DLG2: variants seen among roughly 807,000 people sequenced by gnomAD.
DLG2 encodes the protein discs large MAGUK scaffold protein 2.
In DLG2, 45 loss-of-function variants were observed where a neutral mutation model predicts 132.5. The observed-to-expected ratio is 0.34, with a 90% CI of 0.27 to 0.44. The LOEUF is 0.44. Among genes scored for constraint, DLG2 ranks in the 20% least tolerant of loss-of-function variants. The pLI is 1.00. For missense variants in DLG2, 1,045 were observed against 1,196.9 expected (o/e 0.87, Z 1.87); for synonymous variants, 424 against 419.6 (o/e 1.01, Z -0.13).
chr11:84,110,103 A>G (rs1336120602), intron 9 of DLG2, among the ~76,000 whole-genome samples: 1 of 152,202 alleles, frequency 6.6e-6, no homozygotes, highest in Non-Finnish European at 1.5e-5. Context: ...CAAAAACAAC[A>G]AATCTCAAAC....
intron 6 of DLG2, among the ~76,000 whole-genome samples, chr11:84,586,007 C>T (rs868202006): frequency 5.9e-5 from 9 of 152,026 alleles, no homozygotes; most frequent in African/African-American, 1.7e-4. Flanking sequence ...AAAAACTAGC[C>T]GGGCATGATG....
intron 7 of DLG2, among the ~76,000 whole-genome samples, chr11:84,456,948 C>A (rs1240244548): frequency 6.6e-6 from 1 of 151,108 alleles, no homozygotes; most frequent in Non-Finnish European, 1.5e-5. Context: ...AAAGGTACAG[C>A]AACATTTTAA....
At chr11:84,399,970 G>A (rs1309677225) in intron 7 of DLG2, among the ~76,000 whole-genome samples, 1 of 152,206 alleles carries the variant, frequency 6.6e-6, no homozygotes, top group East Asian at 1.9e-4. Context: ...TTCCTTGCCT[G>A]TGAAGGCAAG....
At chr11:85,056,334 A>G (rs539305760) in intron 6 of DLG2, among the ~76,000 whole-genome samples, 2 of 152,242 alleles carry the variant, frequency 1.3e-5, no homozygotes, top group African/African-American at 4.8e-5. Context: ...AAAAAGAATC[A>G]ATGAAAATTC....
intron 6 of DLG2, among the ~76,000 whole-genome samples, chr11:84,719,869 G>A (rs1182011765): frequency 6.6e-6 from 1 of 152,054 alleles, no homozygotes. Flanking sequence ...TTTATCTAGA[G>A]TTCATCGACC....
intron 15 of DLG2, among the ~76,000 whole-genome samples, chr11:83,884,499 A>C (rs1433037685): frequency 4.6e-5 from 7 of 152,174 alleles, no homozygotes; most frequent in Admixed American, 3.9e-4. Flanking sequence ...CCTCTGTAGG[A>C]TCCACCTCTG....
At chr11:84,916,065 G>C (rs942349149) in intron 6 of DLG2, among the ~76,000 whole-genome samples, 5 of 152,230 alleles carry the variant, frequency 3.3e-5, no homozygotes, top group Non-Finnish European at 7.4e-5. Flanking sequence ...TAAGAAGCAG[G>C]CCGGGCGCGG....
At chr11:83,784,112 T>C (rs939646052) in intron 18 of DLG2, among the ~76,000 whole-genome samples, 7 of 152,196 alleles carry the variant, frequency 4.6e-5, no homozygotes, top group African/African-American at 1.7e-4. Context: ...TTCTTGACCA[T>C]ACTAAAAGTA....
chr11:83,822,748 C>T (rs887729638), intron 17 of DLG2, among the ~76,000 whole-genome samples: 2 of 152,166 alleles, frequency 1.3e-5, no homozygotes, highest in Admixed American at 6.5e-5. Flanking sequence ...AGCTTGTAGA[C>T]TATCTGTTAT....
At chr11:84,691,017 A>G (rs2057968715) in intron 6 of DLG2, among the ~76,000 whole-genome samples, 1 of 151,862 alleles carries the variant, frequency 6.6e-6, no homozygotes, top group African/African-American at 2.4e-5. Flanking sequence ...TCCACAGAAC[A>G]GTTTATCATA....
intron 3 of DLG2, among the ~76,000 whole-genome samples, chr11:85,447,459 GAC>G (rs2092061590): frequency 6.6e-6 from 1 of 152,084 alleles, no homozygotes; most frequent in African/African-American, 2.4e-5. Context: ...AGAAGATTAG[GAC>G]ACAGATACAG....
At chr11:84,428,080 G>T (rs1601932989) in intron 7 of DLG2, among the ~76,000 whole-genome samples, 1 of 152,122 alleles carries the variant, frequency 6.6e-6, no homozygotes, top group East Asian at 1.9e-4. Context: ...CATTCATTTT[G>T]CCTCCTCTGT....
rs770040895 is a variant in DLG2, at chr11:83,471,731, C to A, written c.2345-4G>T. The stretch of plus-strand genomic sequence containing the variant: ...ATCACCGGCCGGGTGTAGTTTACTG[C>A]AGAATGGGAAAGGAAGATGTAGGTA... On this transcript the variant is annotated splice_region_variant and splice_polypyrimidine_tract_variant and intron_variant, in intron 23 of 27. Coordinates refer to ENST00000376104, the MANE Select transcript of DLG2 (RefSeq NM_001142699.3). 1.5e-5 allele frequency: 24 copies of A among 1,610,822 alleles called. No individual in the cohort carries two copies. Among genetic ancestry groups the A allele is most frequent in the Middle Eastern group, 1.6e-4 (1 of 6,080 alleles).
At chr11:85,293,887 A>G (rs1299217777) in intron 3 of DLG2, among the ~76,000 whole-genome samples, 2 of 152,130 alleles carry the variant, frequency 1.3e-5, no homozygotes, top group Non-Finnish European at 2.9e-5. Flanking sequence ...TTAGTGATCA[A>G]TGTGCCTAAT....
chr11:84,550,422 T>C (rs914020692), intron 6 of DLG2, among the ~76,000 whole-genome samples: 15 of 152,138 alleles, frequency 9.9e-5, no homozygotes, highest in African/African-American at 3.4e-4. Context: ...CTTATGATGA[T>C]CATCTCTGTC....
intron 4 of DLG2, among the ~76,000 whole-genome samples, chr11:85,189,562 G>A (rs1320552732): frequency 2.0e-5 from 3 of 152,200 alleles, no homozygotes; most frequent in Admixed American, 6.5e-5. Context: ...CAATGAGGAA[G>A]AGATCAGTGG....
At chr11:83,986,181 G>A (rs1392858258) in intron 11 of DLG2, among the ~76,000 whole-genome samples, 1 of 151,144 alleles carries the variant, frequency 6.6e-6, no homozygotes, top group Non-Finnish European at 1.5e-5. Context: ...TTAGCATTAG[G>A]TATATCTCCT....
At chr11:84,994,529 A>G (rs958130074) in intron 6 of DLG2, among the ~76,000 whole-genome samples, 45 of 152,158 alleles carry the variant, frequency 3.0e-4, no homozygotes, top group Admixed American at 8.5e-4. Context: ...CACCACTCTT[A>G]TGTACCAGTA....
intron 2 of DLG2, among the ~76,000 whole-genome samples, chr11:85,611,889 T>C (rs1399624182): frequency 6.6e-6 from 1 of 151,016 alleles, no homozygotes; most frequent in Non-Finnish European, 1.5e-5. Flanking sequence ...AACAGCAGCA[T>C]AAGCAGCTGG....
Sources: gnomAD v4.1 joint callset for allele counts (sites outside exome capture counted in the v4.1 genomes callset) on GRCh38, gnomAD v4.1.1 for gene constraint, MANE v1.5 for transcripts, NCBI Gene and HGNC (gene_info 2026-07-23, HGNC 2026-07-21) for gene names.